Variants in HAS3 observed in about 807,000 individuals in gnomAD.
HAS3 encodes hyaluronan synthase 3.
Under a neutral mutation model 50.3 loss-of-function variants are expected in HAS3, and 27 were observed. The ratio of observed to expected loss-of-function variants is 0.54; its 90% confidence interval spans 0.40 to 0.74. HAS3 has a LOEUF of 0.74. Ranked by LOEUF, HAS3 falls within the 30% of genes least tolerant of loss-of-function variation. The pLI, the probability that HAS3 is intolerant of heterozygous loss-of-function variation, is 0.00. For missense variants in HAS3, 517 were observed against 742.8 expected (o/e 0.70, Z 3.53); for synonymous variants, 339 against 310.9 (o/e 1.09, Z -0.95).
At chr16:69,087,616 T>C in the HAS3 span, among the ~76,000 whole-genome samples, 1 of 151,800 alleles carries the variant, frequency 6.6e-6, no homozygotes, top group African/African-American at 2.4e-5. Flanking sequence ...GCCAGGCTGG[T>C]CTTGAACTCC....
At chr16:69,100,543 C>T in the HAS3 span, among the ~76,000 whole-genome samples, 26 of 152,080 alleles carry the variant, frequency 1.7e-4, no homozygotes, top group Non-Finnish European at 3.5e-4. Context: ...AGCAGTGAAG[C>T]GTTAAGGGCA....
chr16:69,099,699 G>A, the HAS3 span, among the ~76,000 whole-genome samples: 1 of 152,124 alleles, frequency 6.6e-6, no homozygotes, highest in Admixed American at 6.6e-5. Flanking sequence ...TCTCCTGTTC[G>A]TTACTTAACA....
chr16:69,094,530 T>A, the HAS3 span, among the ~76,000 whole-genome samples: 478 of 152,310 alleles, frequency 3.1e-3, 4 homozygotes, highest in African/African-American at 0.011. Flanking sequence ...CTAAGTTGTG[T>A]GTCTTTCTCT....
the HAS3 span, among the ~76,000 whole-genome samples, chr16:69,086,522 A>ATGTGTGTGTG: frequency 0.015 from 2,014 of 138,372 alleles, 17 homozygotes; most frequent in Admixed American, 0.028. Flanking sequence ...TTTCTATATT[A>ATGTGTGTGTG]TGTGTGTGTG....
rs921957942 is a variant in HAS3 at position 69,116,559 on chromosome 16, T to A, written c.*1293T>A. On this transcript the variant is annotated 3_prime_UTR_variant, in exon 4 of 4. Transcript: ENST00000569188. Reference sequence around the variant, plus strand: ...TCTCCTCAGTGGCTTCTCCAGGGAATTCTTACAGCCAAGTTGTGACAGTCA... The same window carrying A: ...TCTCCTCAGTGGCTTCTCCAGGGAAATCTTACAGCCAAGTTGTGACAGTCA... The A allele has an allele frequency of 1.7e-5, 17 of 985,662 alleles. No individual in the cohort carries two copies. The highest frequency in any genetic ancestry group is 1.9e-5 in the Non-Finnish European group (16 of 829,918). The allele number at this position is 985,662 out of a possible 1,614,324, so 61.1% of individuals were successfully genotyped here. A position where few individuals can be genotyped will look rare whatever the true frequency, so the allele number is the denominator to read the frequency against.
At chr16:69,104,102 T>C (rs1960724886), upstream of HAS3, among the ~76,000 whole-genome samples, 1 of 152,074 alleles carries the variant, frequency 6.6e-6, no homozygotes, top group Non-Finnish European at 1.5e-5. Flanking sequence ...TCCAGGAATT[T>C]GTTTTTGAGA....
At chr16:69,094,247 T>G in the HAS3 span, among the ~76,000 whole-genome samples, 1 of 152,244 alleles carries the variant, frequency 6.6e-6, no homozygotes, top group Non-Finnish European at 1.5e-5. Flanking sequence ...GGGGTTTTTC[T>G]AATGTATTAT....
At chr16:69,113,638 G>C in intron 3 of HAS3, 96 bp downstream of exon 3, 2 of 727,750 alleles carry the variant, frequency 2.7e-6, no homozygotes, top group South Asian at 3.5e-5. Flanking sequence ...TGACTTCCTA[G>C]TATTGGGGGG....
chr16:69,095,131 G>A, the HAS3 span, among the ~76,000 whole-genome samples: 3 of 151,882 alleles, frequency 2.0e-5, no homozygotes, highest in Admixed American at 2.0e-4. Context: ...ACAGGCACGC[G>A]TCACCACACC....
Position 69,114,764 on chromosome 16 carries a change from G to A in HAS3, c.1160G>A (p.Gly387Asp). The change falls in exon 4 of 4, where the codon GGT becomes GAT. Residue 387 changes from glycine (G) to aspartate (D), a missense_variant. Transcript: ENST00000569188. This position sits in a 1 kb window ranked among gnomAD's most constrained non-coding sequence, Gnocchi z 6.4. ...ATGACCTACGAGTCAGTGGTCACGGGTTTCTTCCCCTTCTTCCTCATTGCC... is the reference window on the plus strand; with the variant it reads ...ATGACCTACGAGTCAGTGGTCACGGATTTCTTCCCCTTCTTCCTCATTGCC... ...LWMTYESVVT[G>D]FFPFFLIATV... The A allele has an allele frequency of 1.2e-6, 2 of 1,614,116 alleles. No individual in the cohort carries two copies. Among genetic ancestry groups the A allele is most frequent in the Non-Finnish European group, 1.7e-6 (2 of 1,180,028 alleles).
chr16:69,086,877 C>G, the HAS3 span, among the ~76,000 whole-genome samples: 1 of 152,194 alleles, frequency 6.6e-6, no homozygotes, highest in African/African-American at 2.4e-5. Context: ...GCACTCCAGC[C>G]TGGGCAACAA....
chr16:69,084,194 TA>T, the HAS3 span: 1 of 152,470 alleles, frequency 6.6e-6, no homozygotes, highest in South Asian at 2.1e-4. Context: ...CAAAATGGAA[TA>T]AAGTTATCTT....
At chr16:69,094,569 CA>C in the HAS3 span, among the ~76,000 whole-genome samples, 4 of 152,170 alleles carry the variant, frequency 2.6e-5, no homozygotes, top group African/African-American at 9.7e-5. Flanking sequence ...GTGTGATAGA[CA>C]GAGTAATGGG....
chr16:69,098,867 G>T, the HAS3 span, among the ~76,000 whole-genome samples: 2 of 151,582 alleles, frequency 1.3e-5, no homozygotes, highest in Non-Finnish European at 2.9e-5. Flanking sequence ...GTTTCTCCAT[G>T]TTGGTCAGGC....
the HAS3 span, among the ~76,000 whole-genome samples, chr16:69,096,146 G>A: frequency 6.7e-6 from 1 of 149,402 alleles, no homozygotes; most frequent in Non-Finnish European, 1.5e-5. Context: ...AACCTAAGAG[G>A]CCGAGACTGC....
the HAS3 span, chr16:69,083,646 C>G: frequency 1.9e-6 from 3 of 1,561,132 alleles, no homozygotes; most frequent in East Asian, 7.2e-5. Flanking sequence ...AGAAGAAGAT[C>G]ATGGTCCTGC....
At chr16:69,097,613 C>T in the HAS3 span, among the ~76,000 whole-genome samples, 5 of 152,152 alleles carry the variant, frequency 3.3e-5, no homozygotes, top group Non-Finnish European at 7.3e-5. Flanking sequence ...GCTTACAATG[C>T]GCACAGGAGA....
intron 2 of HAS3, 35 bp from the exon 3 acceptor site, chr16:69,113,406 G>C (rs759690612): frequency 1.4e-6 from 2 of 1,417,392 alleles, no homozygotes; most frequent in Non-Finnish European, 1.0e-6. Flanking sequence ...GCAGGTCTGA[G>C]GTCAGAATGG....
Position 69,109,870 on chromosome 16 carries a change from G to A in HAS3, c.475G>A (p.Gly159Ser), listed in dbSNP as rs1258632367. The A allele has an allele frequency of 1.2e-6, 2 of 1,613,822 alleles. No individual in the cohort carries two copies. Among genetic ancestry groups the A allele is most frequent in the Admixed American group, 3.3e-5 (2 of 60,034 alleles). ...GTGGCGCAGCAACTTCCATGAGGCAGGCGAGGGTGAGACGGAGGCCAGCCT... is the reference window on the plus strand; with the variant it reads ...GTGGCGCAGCAACTTCCATGAGGCAAGCGAGGGTGAGACGGAGGCCAGCCT... ...FVWRSNFHEAGEGETEASLQE... is the reference protein window; with the variant it reads ...FVWRSNFHEASEGETEASLQE... The change falls in exon 2 of 4, where the codon GGC (glycine) becomes AGC (serine). Residue 159 changes from glycine to serine, a missense_variant. Physicochemically the swap from Gly to Ser is moderately conservative, Grantham distance 56. Coordinates refer to ENST00000569188, the MANE Select transcript of HAS3 (RefSeq NM_001199280.2). The surrounding 1 kb of genome is among the most constrained non-coding windows in gnomAD (Gnocchi z 5.3).
Sources: allele counts gnomAD v4.1 joint callset (sites outside exome capture counted in the v4.1 genomes callset), GRCh38; gene constraint gnomAD v4.1.1; non-coding constraint Gnocchi (gnomAD v3.1); transcripts MANE v1.5; gene names NCBI Gene and HGNC (gene_info 2026-07-23, HGNC 2026-07-21).